Variants in TTN observed in about 807,000 individuals in gnomAD.
TTN encodes the protein titin, also known as connectin.
TTN carries 1,525 observed loss-of-function variants against 3,223.0 expected under a neutral mutation model. The ratio of observed to expected loss-of-function variants is 0.47; its 90% CI spans 0.45 to 0.49. The LOEUF (loss-of-function observed/expected upper bound fraction) is 0.49. TTN is among the 20% of genes least tolerant of loss of function. The pLI is 0.00. For missense variants in TTN, 40,786 were observed against 43,424.0 expected, an observed-to-expected ratio of 0.94 and a Z score of 5.40; for synonymous variants, 14,094 against 15,161.0, an observed-to-expected ratio of 0.93 and a Z score of 5.17.
rs1377928896 is a variant in TTN at position 178,551,118 on chromosome 2, G to A, written c.91413C>T (p.Cys30471=). Reference sequence around the variant, plus strand: ...GACATTCACTGACGTCAGTAAAGTTGCATCTCACCCAGCGTTCATTTCCTT... The same window carrying A: ...GACATTCACTGACGTCAGTAAAGTTACATCTCACCCAGCGTTCATTTCCTT... ...KRQGNERWVR[C]NFTDVSECQY... is the part of the protein sequence containing the mutation. Residue 30471 remains cysteine, a synonymous_variant, in exon 336 of 363, where the codon TGC becomes TGT. Transcript: ENST00000589042. 1.9e-6 allele frequency: 3 copies of A among 1,613,412 alleles called. No individual in the cohort carries two copies. In the Admixed American group the frequency reaches 5.0e-5, roughly 27 times the overall value.
rs370105333 is a variant in TTN at position 178,735,548 on chromosome 2, A to G, written c.14898T>C (p.Ala4966=). ...CTGTGGCTGAGCAGGAGCTGCTTCC[A>G]GCCTCATTTGAAGCTGTACAGACAT... The part of the protein sequence containing the change: ...GTYVCTASNE[A]GSSSCSATVT... The change falls in exon 50 of 363, where the codon GCT becomes GCC. Residue 4966 remains alanine (A), a synonymous_variant. Transcript: ENST00000589042. The G allele has an allele frequency of 7.2e-5, 116 of 1,601,568 alleles. No homozygotes were observed. The African/African-American group carries it at 1.4e-3, about 20-fold the overall frequency.
chr2:178,752,027 T>C (rs777747035), intron 47 of TTN: 15 of 1,525,616 alleles, frequency 9.8e-6, no homozygotes, highest in Non-Finnish European at 1.1e-5. Context: ...AGATTCCCCC[T>C]CAGAGAATAA....
Position 178,546,868 on chromosome 2 carries a change from T to C in TTN, c.94560A>G (p.Arg31520=). The change falls in exon 341 of 363, where the codon AGA becomes AGG. Residue 31520 remains arginine, a synonymous_variant. Coordinates refer to ENST00000589042, the MANE Select transcript of TTN (RefSeq NM_001267550.2). ...PGRPEVTDVT[R]STVSLIWSAP... is the part of the protein sequence containing the mutation. ...CAGACCAAATCAGTGATACTGTTGA[T>C]CTTGTGACATCTGTCACCTCTGGTC... 1 of 1,596,640 alleles carries C rather than the reference T, an allele frequency of 6.3e-7. No homozygotes were observed. The highest frequency in any genetic ancestry group is 1.1e-5 in the South Asian group (1 of 89,258).
At chr2:178,578,530 A>T in intron 321 of TTN, 81 bp downstream of exon 321, 4 of 1,053,304 alleles carry the variant, frequency 3.8e-6, no homozygotes. Flanking sequence ...GTTATCGATA[A>T]GCACATGTTC....
In TTN at chr2:178,575,633, G is replaced by C. The variant is rs774745687; in HGVS notation, c.70499C>G (p.Ser23500Cys). ...HKCTYKVTGL[S>C]EGCEYFFRVM... is the part of the protein sequence containing the mutation. ...TCTGAAGAAATATTCACACCCTTCA[G>C]ACAAGCCGGTAACTTTATATGTGCA... Residue 23500 changes from serine (S) to cysteine (C), a missense_variant, in exon 326 of 363, where the codon TCT becomes TGT. Ser to Cys is a moderately radical substitution (Grantham distance 112). Coordinates refer to ENST00000589042, the MANE Select transcript of TTN (RefSeq NM_001267550.2). This position sits in a 1 kb window ranked among gnomAD's most constrained non-coding sequence, Gnocchi z 4.0. The C allele has an allele frequency of 1.2e-6, 2 of 1,613,492 alleles. No homozygotes were observed. The highest frequency in any genetic ancestry group is 1.7e-6 in the Non-Finnish European group (2 of 1,179,626).
At chr2:178,614,989 A>T (rs1406759938) in intron 259 of TTN, 21 bp from the exon 260 acceptor site, 7 of 1,573,092 alleles carry the variant, frequency 4.4e-6, no homozygotes, top group Non-Finnish European at 6.1e-6. Flanking sequence ...ACAGAATAGG[A>T]TGTTTTACTG....
chr2:178,775,413 C>T lies in TTN; in HGVS notation c.6451G>A (p.Val2151Ile), dbSNP rs755654942. ...TCTCCAGCTATGTTGATGGCTTTTA[C>T]CATGATGCTGGCAGAGTCCTCAGCA... ...VTAEDSASIM[V>I]KAINIAGETS... The change falls in exon 28 of 363, where the codon GTA becomes ATA. Residue 2151 changes from valine (V) to isoleucine (I), a missense_variant. By Grantham distance (29) the Val-to-Ile change is conservative (BLOSUM62 3). Transcript: ENST00000589042. 6.2e-7 allele frequency: 1 copy of T among 1,614,074 alleles called. No homozygotes were observed. Among genetic ancestry groups the T allele is most frequent in the Non-Finnish European group, 8.5e-7 (1 of 1,180,010 alleles).
Position 178,642,230 on chromosome 2 carries a change from A to ATT in TTN, c.40558+6_40558+7insAA. ...AACGCTGACAGAATGGTTGAAAAAT[A>ATT]CTATACCGCTTTTCAGAACAACTTC... is the stretch of plus-strand genomic sequence containing the variant. On this transcript the variant is annotated splice_region_variant and intron_variant, in intron 219 of 362. Transcript: ENST00000589042. 6.4e-7 allele frequency: 1 copy of ATT among 1,574,430 alleles called. No homozygotes were observed. The highest frequency in any genetic ancestry group is 2.3e-5 in the East Asian group (1 of 43,466).
intron 208 of TTN, 70 bp downstream of exon 208, chr2:178,651,173 G>T: frequency 7.7e-7 from 1 of 1,293,686 alleles, no homozygotes; most frequent in Non-Finnish European, 1.1e-6. Context: ...GCAAACAAAA[G>T]GTTTGATAAT....
Position 178,729,149 on chromosome 2 carries a change from T to C in TTN, c.18889A>G (p.Lys6297Glu). The part of the protein sequence containing the change: ...ALKEPPSFIK[K>E]IENTTTVLKS... ...AAAACAGTAGTGGTATTTTCTATCT[T>C]CTTAATGAATGATGGTGGTTCTGTG... Residue 6297 changes from lysine to glutamate, a missense_variant, in exon 65 of 363, where the codon AAG becomes GAG. Coordinates refer to ENST00000589042, the MANE Select transcript of TTN (RefSeq NM_001267550.2). The C allele has an allele frequency of 6.3e-7, 1 of 1,588,786 alleles. No homozygotes were observed. Among genetic ancestry groups the C allele is most frequent in the Non-Finnish European group, 8.6e-7 (1 of 1,167,818 alleles).
In TTN at chr2:178,698,890, T is replaced by C. The variant is rs539986891; in HGVS notation, c.30707A>G (p.Asp10236Gly). The change falls in exon 112 of 363, where the codon GAT becomes GGT. Residue 10236 changes from aspartate (D) to glycine (G), a missense_variant. Physicochemically the swap from Asp to Gly is moderately conservative, Grantham distance 94. Coordinates refer to ENST00000589042, the MANE Select transcript of TTN (RefSeq NM_001267550.2). Reference protein sequence around the residue: ...IEVTKKAVKKDAKKVVAKPKE... With the variant: ...IEVTKKAVKKGAKKVVAKPKE... ...GGGCTTTGCAACAACTTTTTTGGCA[T>C]CTTTCTTCACAGCCTTTTTGGTAAC... is the stretch of plus-strand genomic sequence containing the variant. 6.5e-7 allele frequency: 1 copy of C among 1,533,002 alleles called. No individual in the cohort carries two copies. The highest frequency in any genetic ancestry group is 8.8e-7 in the Non-Finnish European group (1 of 1,141,810). The allele number at this position is 1,533,002 out of a possible 1,614,324, so 95.0% of individuals were successfully genotyped here.
Position 178,733,402 on chromosome 2 carries a change from A to G in TTN, c.15891T>C (p.Asp5297=). 1 of 1,613,820 alleles carries G rather than the reference A, an allele frequency of 6.2e-7. No individual in the cohort carries two copies. The stretch of plus-strand genomic sequence containing the variant: ...TTTTACTGGCGACCAAGGGTCTCCC[A>G]TCTTTGTACCATTTGGGCTTCAGTT... ...TPELKPKWYK[D]GRPLVASKKY... is the part of the protein sequence containing the mutation. Residue 5297 remains aspartate, a synonymous_variant, in exon 54 of 363, where the codon GAT becomes GAC. Coordinates refer to ENST00000589042, the MANE Select transcript of TTN (RefSeq NM_001267550.2).
Position 178,528,560 on chromosome 2 carries a change from G to T in TTN, c.107191C>A (p.Pro35731Thr). The T allele has an allele frequency of 6.2e-7, 1 of 1,611,002 alleles. No homozygotes were observed. Among genetic ancestry groups the T allele is most frequent in the South Asian group, 1.1e-5 (1 of 90,742 alleles). ...TTGTTTTTAAACCATTCGATTTCAG[G>T]GGATGGCTCGCCACTGATTTCACAA... Reference protein sequence around the residue: ...FTCEISGEPSPEIEWFKNNLP... With the variant: ...FTCEISGEPSTEIEWFKNNLP... The change falls in exon 360 of 363, where the codon CCT becomes ACT. Residue 35731 changes from proline (P) to threonine (T), a missense_variant. Pro to Thr is a conservative substitution (Grantham distance 38). Transcript: ENST00000589042.
Position 178,647,364 on chromosome 2 carries a change from A to G in TTN, c.40141+17T>C, listed in dbSNP as rs1028688301. 5.2e-6 allele frequency: 8 copies of G among 1,548,616 alleles called. No individual in the cohort carries two copies. On this transcript the variant is annotated intron_variant, in intron 214 of 362. Transcript: ENST00000589042. ...GACAATTGTCATCTTTCCAAGATTT[A>G]TGGAGAAGCCGTGTACCTTCAGCAG...
In TTN at chr2:178,546,398, G is replaced by T. The variant is rs770465865; in HGVS notation, c.94933C>A (p.Pro31645Thr). The part of the protein sequence containing the change: ...LDAAVGGKPE[P>T]KIIWTKGDKE... ...TCTCCTTTGGTCCAGATAATTTTGG[G>T]TTCAGGTTTGCCACCAACTGCAGCA... Residue 31645 changes from proline to threonine, a missense_variant, in exon 342 of 363, where the codon CCC becomes ACC. By Grantham distance (38) the Pro-to-Thr change is conservative. Transcript: ENST00000589042. The T allele has an allele frequency of 6.2e-7, 1 of 1,613,662 alleles. No individual in the cohort carries two copies. The highest frequency in any genetic ancestry group is 1.7e-5 in the Admixed American group (1 of 59,988).
At position 178,538,716 on chromosome 2, in the gene TTN, C is replaced by A; in HGVS notation, c.99113G>T (p.Arg33038Ile). The A allele has an allele frequency of 6.2e-7, 1 of 1,613,762 alleles. No homozygotes were observed. The highest frequency in any genetic ancestry group is 8.5e-7 in the Non-Finnish European group (1 of 1,179,738). Residue 33038 changes from arginine (R) to isoleucine (I), a missense_variant, in exon 354 of 363, where the codon AGA becomes ATA. Transcript: ENST00000589042. ...CTTCCAGGCACTGTCTCCAGACTGT[C>A]TATATTCAACCCAGTATCCAAGAAT... is the stretch of plus-strand genomic sequence containing the variant. ...KEILGYWVEY[R>I]QSGDSAWKKS...
chr2:178,545,659 A>T lies in TTN; in HGVS notation c.95451T>A (p.Val31817=), dbSNP rs1297685072. ...TGATGATATGCTCTTTGCCAGTCCC[A>T]ACTTCTTCAGGTATGCCGGGTGGTG... ...IPSPPGIPEE[V]GTGKEHIIIQ... is the part of the protein sequence containing the mutation. The change falls in exon 344 of 363, where the codon GTT becomes GTA. Residue 31817 remains valine, a synonymous_variant. Transcript: ENST00000589042. 1 of 1,613,664 alleles carries T rather than the reference A, an allele frequency of 6.2e-7. No homozygotes were observed. Among genetic ancestry groups the T allele is most frequent in the South Asian group, 1.1e-5 (1 of 91,062 alleles).
rs1188722386 is a variant in TTN, at chr2:178,616,646, C to T, written c.48161-16G>A. ...CTTGGGCGAGCTGAAAAAAAATGCA[C>T]TCACGAGTCACTGTTAATAGTCTGA... On this transcript the variant is annotated splice_polypyrimidine_tract_variant and intron_variant, in intron 256 of 362. Coordinates refer to ENST00000589042, the MANE Select transcript of TTN (RefSeq NM_001267550.2). The T allele has an allele frequency of 1.2e-6, 2 of 1,612,076 alleles. No homozygotes were observed. Among genetic ancestry groups the T allele is most frequent in the Non-Finnish European group, 1.7e-6 (2 of 1,178,888 alleles).
At position 178,678,239 on chromosome 2, in the gene TTN, TG is replaced by T. The variant is rs1560305030; in HGVS notation, c.33911-32del. ...AAGATATTATTTATATTTAGGAATA[TG>T]TTCTTTTAAAATGTCTTAGAGCAAT... On this transcript the variant is annotated intron_variant, in intron 144 of 362. Transcript: ENST00000589042. 4 of 1,578,060 alleles carry T rather than the reference TG, an allele frequency of 2.5e-6. No individual in the cohort carries two copies. In the Admixed American group the frequency reaches 7.5e-5, roughly 30 times the overall value.
Sources: allele counts gnomAD v4.1 joint callset, GRCh38; gene constraint gnomAD v4.1.1; non-coding constraint Gnocchi (gnomAD v3.1); transcripts MANE v1.5; gene names NCBI Gene and HGNC (gene_info 2026-07-23, HGNC 2026-07-21).